PLCB4: variants seen among roughly 807,000 people sequenced by gnomAD.
The protein encoded by PLCB4 is 1-phosphatidylinositol 4,5-bisphosphate phosphodiesterase beta-4.
A neutral mutation model predicts 178.8 loss-of-function variants in PLCB4; 77 were observed. That is an observed-to-expected ratio of 0.43 (90% CI 0.36 to 0.52). The LOEUF is 0.52. Among genes scored for constraint, PLCB4 ranks in the 20% least tolerant of loss-of-function variants. PLCB4 has a pLI of 0.00. For missense variants in PLCB4, 1,024 were observed against 1,453.4 expected, an observed-to-expected ratio of 0.70 and a Z score of 4.80; for synonymous variants, 496 against 490.8, an observed-to-expected ratio of 1.01 and a Z score of -0.14.
chr20:9,381,339 G>C (rs2037124445), intron 13 of PLCB4, among the ~76,000 whole-genome samples: 1 of 152,124 alleles, frequency 6.6e-6, no homozygotes, highest in Admixed American at 6.5e-5. Context: ...CTTGTAAGGT[G>C]GTGGGGCTCA....
Position 9,353,530 on chromosome 20 carries a change from C to T in PLCB4, c.370-9366C>T, listed in dbSNP as rs150583241. Reference sequence around the variant, plus strand: ...GAAGTTGGTCTGTTATACAAACAAACATTAGTGGTTTTGTTCCTTTTTAAT... The same window carrying T: ...GAAGTTGGTCTGTTATACAAACAAATATTAGTGGTTTTGTTCCTTTTTAAT... On this transcript the variant is annotated intron_variant, in intron 7 of 39. Transcript: ENST00000378473. Among the ~76,000 whole-genome samples the T allele has an allele frequency of 2.8e-3, 431 of 152,306 alleles. 2 individuals are homozygous for T. Among genetic ancestry groups the T allele is most frequent in the Non-Finnish European group, 3.8e-3 (259 of 68,022 alleles).
At chr20:9,457,791 T>A (rs557541504) in intron 34 of PLCB4, among the ~76,000 whole-genome samples, 8 of 152,258 alleles carry the variant, frequency 5.3e-5, no homozygotes, top group African/African-American at 1.4e-4. Flanking sequence ...AAAGGAAATA[T>A]TATATAAAAT....
intron 12 of PLCB4, among the ~76,000 whole-genome samples, chr20:9,378,539 T>C (rs973146720): frequency 2.0e-5 from 3 of 152,088 alleles, no homozygotes; most frequent in African/African-American, 7.2e-5. Flanking sequence ...CTAAACAAGG[T>C]GTAGCATGCC....
chr20:9,203,748 A>C (rs1376752377), intron 2 of PLCB4, among the ~76,000 whole-genome samples: 1 of 140,822 alleles, frequency 7.1e-6, no homozygotes, highest in African/African-American at 2.6e-5. Context: ...AAACCACTCT[A>C]TATTCCGAAG....
chr20:9,184,604 A>T lies in PLCB4; in HGVS notation c.-78-32786A>T, dbSNP rs961482480. Reference sequence around the variant, plus strand: ...GGTGACCCAGCATTGTGCCTCAAAAAAAAAAAAAAAAAAAAAACCTCTGGT... The same window carrying T: ...GGTGACCCAGCATTGTGCCTCAAAATAAAAAAAAAAAAAAAAACCTCTGGT... On this transcript the variant is annotated intron_variant, in intron 2 of 39. Transcript: ENST00000378473. Among the ~76,000 whole-genome samples the T allele has an allele frequency of 9.4e-4, 58 of 61,524 alleles. 1 individual carries two copies. In the South Asian group the frequency reaches 0.015, roughly 15 times the overall value. The allele number at this position is 61,524 out of a possible 152,430, so 40.4% of individuals were successfully genotyped here. A position where few individuals can be genotyped will look rare whatever the true frequency, so the allele number is the denominator to read the frequency against.
intron 3 of PLCB4, among the ~76,000 whole-genome samples, chr20:9,235,999 A>G (rs956840159): frequency 6.6e-6 from 1 of 152,196 alleles, no homozygotes; most frequent in Non-Finnish European, 1.5e-5. Context: ...GGGATAGCTT[A>G]TTGGATATTC....
At chr20:9,283,533 A>G (rs900802463) in intron 3 of PLCB4, among the ~76,000 whole-genome samples, 1 of 151,964 alleles carries the variant, frequency 6.6e-6, no homozygotes, top group Non-Finnish European at 1.5e-5. Flanking sequence ...TACATGTTGC[A>G]TTTCACATAA....
intron 2 of PLCB4, among the ~76,000 whole-genome samples, chr20:9,216,255 T>C (rs2093730210): frequency 6.6e-6 from 1 of 152,126 alleles, no homozygotes; most frequent in African/African-American, 2.4e-5. Flanking sequence ...TCTCTCTCTG[T>C]CACCCAGGCT....
intron 29 of PLCB4, among the ~76,000 whole-genome samples, chr20:9,436,695 T>C (rs542581020): frequency 6.6e-6 from 1 of 152,362 alleles, no homozygotes; most frequent in South Asian, 2.1e-4. Context: ...TTGCCAGCCT[T>C]ACATCCCAAC....
chr20:9,182,462 A>G (rs996384115), intron 2 of PLCB4, among the ~76,000 whole-genome samples: 2 of 152,166 alleles, frequency 1.3e-5, no homozygotes, highest in African/African-American at 4.8e-5. Flanking sequence ...AATCATCGCT[A>G]GGCCTAACTC....
intron 19 of PLCB4, among the ~76,000 whole-genome samples, chr20:9,400,096 T>C (rs1219704257): frequency 2.0e-5 from 3 of 152,062 alleles, no homozygotes; most frequent in African/African-American, 7.2e-5. Flanking sequence ...TACCCACTTG[T>C]TGTTGTTGTT....
intron 12 of PLCB4, among the ~76,000 whole-genome samples, chr20:9,373,447 A>AGATC (rs1459998093): frequency 6.6e-6 from 1 of 152,206 alleles, no homozygotes; most frequent in Non-Finnish European, 1.5e-5. Flanking sequence ...TGATCTCATT[A>AGATC]AATAGAAAGA....
chr20:9,359,092 A>G (rs2035094708), intron 7 of PLCB4, among the ~76,000 whole-genome samples: 1 of 152,212 alleles, frequency 6.6e-6, no homozygotes, highest in African/African-American at 2.4e-5. Context: ...TTTAAAAGAA[A>G]AAAGTAAAAT....
At chr20:9,388,300 G>C (rs1006513864) in intron 15 of PLCB4, among the ~76,000 whole-genome samples, 1 of 152,198 alleles carries the variant, frequency 6.6e-6, no homozygotes, top group Non-Finnish European at 1.5e-5. Context: ...ATGAAATTCT[G>C]TGGTTTGCAA....
chr20:9,454,087 G>T lies in PLCB4; in HGVS notation c.2996+625G>T, dbSNP rs182000016. ...ATTCCTCAATCTCTCCCTGTCTTTT[G>T]TGACTTTCACTTTTGAAGAGAGCTG... On this transcript the variant is annotated intron_variant, in intron 33 of 39. Transcript: ENST00000378473. 4.9e-4 allele frequency among the ~76,000 whole-genome samples: 75 copies of T among 152,260 alleles called. 1 individual carries two copies. The East Asian group carries it at 0.014, about 28-fold the overall frequency.
intron 25 of PLCB4, among the ~76,000 whole-genome samples, chr20:9,414,999 T>C (rs1195783928): frequency 2.6e-5 from 4 of 152,186 alleles, no homozygotes; most frequent in African/African-American, 9.7e-5. Flanking sequence ...ATATATATTG[T>C]GGTTCTACAC....
chr20:9,186,259 A>G (rs942892590), intron 2 of PLCB4, among the ~76,000 whole-genome samples: 2 of 152,226 alleles, frequency 1.3e-5, no homozygotes, highest in African/African-American at 4.8e-5. Flanking sequence ...CACATTTTAC[A>G]TATCTACTCA....
chr20:9,176,588 TACAC>T (rs2093159118), intron 2 of PLCB4, among the ~76,000 whole-genome samples: 1 of 152,194 alleles, frequency 6.6e-6, no homozygotes, highest in East Asian at 1.9e-4. Flanking sequence ...TGTATATACA[TACAC>T]ACAAACAGGG....
rs367960845 is a variant in PLCB4 at position 9,409,168 on chromosome 20, C to T, written c.1986C>T (p.Asn662=). ...CTGGCTGCCAGATGGTTTCACTGAA[C>T]TATCAAACCCCAGGTAGGAGCTGAT... The part of the protein sequence containing the change: ...WNAGCQMVSL[N]YQTPDLAMQL... Residue 662 remains asparagine, a synonymous_variant, in exon 24 of 40, where the codon AAC becomes AAT. Coordinates refer to ENST00000378473, the MANE Select transcript of PLCB4 (RefSeq NM_001377142.1). The T allele has an allele frequency of 1.2e-5, 19 of 1,598,210 alleles. No individual in the cohort carries two copies. Among genetic ancestry groups the T allele is most frequent in the African/African-American group, 5.4e-5 (4 of 73,504 alleles).
Sources: allele counts gnomAD v4.1 joint callset (sites outside exome capture counted in the v4.1 genomes callset), GRCh38; gene constraint gnomAD v4.1.1; transcripts MANE v1.5; gene names NCBI Gene and HGNC (gene_info 2026-07-23, HGNC 2026-07-21).